PIP5K1B: variants seen among roughly 807,000 people sequenced by gnomAD.
PIP5K1B encodes phosphatidylinositol-4-phosphate 5-kinase type 1 beta, also known as phosphatidylinositol 4-phosphate 5-kinase type-1 beta.
Under a neutral mutation model 67.0 loss-of-function variants are expected in PIP5K1B, and 42 were observed. The observed-to-expected ratio is 0.63, with a 90% CI of 0.49 to 0.81. PIP5K1B has a LOEUF of 0.81. Ranked by LOEUF, PIP5K1B falls within the 30% of genes least tolerant of loss-of-function variation. The pLI is 0.00. For missense variants in PIP5K1B, 459 were observed against 646.3 expected, an observed-to-expected ratio of 0.71 and a Z score of 3.14; for synonymous variants, 214 against 231.4, an observed-to-expected ratio of 0.92 and a Z score of 0.68.
At position 68,705,559 on chromosome 9, in the gene PIP5K1B, C is replaced by G. The variant is rs1434643058; in HGVS notation, c.-446C>G. On this transcript the variant is annotated 5_prime_UTR_variant, in exon 1 of 16. Transcript: ENST00000265382. ...AGCGAGTTTGGCCCCGCGGCTCCAG[C>G]CCCGGCACCTGCCCGCCCTCAGCGT... 1.3e-5 allele frequency: 2 copies of G among 151,484 alleles called. No homozygotes were observed. Among genetic ancestry groups the G allele is most frequent in the African/African-American group, 2.4e-5 (1 of 41,184 alleles). The allele number at this position is 151,484 out of a possible 1,614,324, so 9.4% of individuals were successfully genotyped here.
chr9:68,746,558 A>G (rs756456894), intron 2 of PIP5K1B, among the ~76,000 whole-genome samples: 27 of 152,130 alleles, frequency 1.8e-4, no homozygotes, highest in Non-Finnish European at 3.4e-4. Flanking sequence ...CAAGTGGAGC[A>G]GAGGTGCCAC....
At chr9:68,795,568 C>T (rs745670533) in intron 2 of PIP5K1B, among the ~76,000 whole-genome samples, 3 of 152,078 alleles carry the variant, frequency 2.0e-5, no homozygotes, top group African/African-American at 4.8e-5. Flanking sequence ...TGATAGATAA[C>T]GCTTGGAAAA....
intron 2 of PIP5K1B, among the ~76,000 whole-genome samples, chr9:68,762,146 T>C (rs994821186): frequency 4.6e-5 from 7 of 152,126 alleles, no homozygotes; most frequent in African/African-American, 1.7e-4. Flanking sequence ...TGGTTATGTG[T>C]AGAAGGTTCT....
chr9:68,920,239 C>CA (rs1287870668), intron 11 of PIP5K1B, among the ~76,000 whole-genome samples: 19 of 149,754 alleles, frequency 1.3e-4, no homozygotes, highest in African/African-American at 4.2e-4. Flanking sequence ...GAACATGGGA[C>CA]AAAAAAATGC....
chr9:68,758,253 C>A (rs551366666), intron 2 of PIP5K1B, among the ~76,000 whole-genome samples: 1 of 151,802 alleles, frequency 6.6e-6, no homozygotes. Context: ...GGAAAATTAT[C>A]CATTTTTATG....
chr9:68,961,697 G>C (rs1158161180), intron 14 of PIP5K1B, among the ~76,000 whole-genome samples: 1 of 152,228 alleles, frequency 6.6e-6, no homozygotes, highest in South Asian at 2.1e-4. Context: ...AGCCGAGTTG[G>C]GGAAGAGACC....
At chr9:68,919,335 C>CAA (rs937942222) in intron 9 of PIP5K1B, 144 bp from the exon 10 acceptor site, 20 of 476,210 alleles carry the variant, frequency 4.2e-5, no homozygotes, top group South Asian at 9.5e-5. Flanking sequence ...AAGGAACAAA[C>CAA]AAAAAAAAAA....
chr9:68,930,570 G>A (rs1047458521), intron 12 of PIP5K1B, among the ~76,000 whole-genome samples: 1 of 151,992 alleles, frequency 6.6e-6, no homozygotes, highest in Non-Finnish European at 1.5e-5. Flanking sequence ...TTCAGCCACT[G>A]TGTTTTTTGG....
Position 68,746,462 on chromosome 9 carries a change from TTCTC to T in PIP5K1B, c.-86+3808_-86+3811del, listed in dbSNP as rs1326029943. On this transcript the variant is annotated intron_variant, in intron 2 of 15. Coordinates refer to ENST00000265382, the MANE Select transcript of PIP5K1B (RefSeq NM_003558.4). ...GTTCATCATCATCTCCCCTCACCCTTTCTCTCCTCTCTCTGTCTCACTTTCTCTT... is the reference window on the plus strand; with the variant it reads ...GTTCATCATCATCTCCCCTCACCCTTTCCTCTCTCTGTCTCACTTTCTCTT... Among the ~76,000 whole-genome samples, 8 of 152,260 alleles carry T rather than the reference TTCTC, an allele frequency of 5.3e-5. No homozygotes were observed. The East Asian group carries it at 1.2e-3, about 22-fold the overall frequency.
At chr9:68,741,391 T>C (rs1040314465) in intron 1 of PIP5K1B, among the ~76,000 whole-genome samples, 30 of 152,174 alleles carry the variant, frequency 2.0e-4, no homozygotes, top group African/African-American at 7.2e-4. Flanking sequence ...ACCCTTGGCT[T>C]CTGAATGTGC....
At chr9:69,004,836 A>G (rs1187327837) in intron 15 of PIP5K1B, among the ~76,000 whole-genome samples, 1 of 152,222 alleles carries the variant, frequency 6.6e-6, no homozygotes, top group African/African-American at 2.4e-5. Flanking sequence ...TAAGGAAGGA[A>G]TAATAAAATG....
In PIP5K1B at chr9:68,991,158, T is replaced by G; in HGVS notation, c.1521T>G (p.Ser507Arg). ...TTTCCAGCAAAGGGTTACCTTCCAG[T>G]TCAACATTTACCTTGGAAGAGGGGA... Reference protein sequence around the residue: ...LYSNSKGLPSSSTFTLEEGTI... With the variant: ...LYSNSKGLPSRSTFTLEEGTI... The change falls in exon 15 of 16, where the codon AGT (serine) becomes AGG (arginine). Residue 507 changes from serine to arginine, a missense_variant. Ser to Arg is a moderately radical substitution (Grantham distance 110, BLOSUM62 -1). Transcript: ENST00000265382. 6.2e-7 allele frequency: 1 copy of G among 1,604,118 alleles called. No homozygotes were observed. The highest frequency in any genetic ancestry group is 8.5e-7 in the Non-Finnish European group (1 of 1,170,870).
chr9:68,707,663 G>C (rs1467551941), intron 1 of PIP5K1B: 2 of 152,174 alleles, frequency 1.3e-5, no homozygotes, highest in Non-Finnish European at 2.9e-5. Flanking sequence ...ATCTCATTTA[G>C]TGGCATTTGC....
In PIP5K1B at chr9:68,751,529, T is replaced by G. The variant is rs187375173; in HGVS notation, c.-86+8872T>G. Among the ~76,000 whole-genome samples the G allele has an allele frequency of 1.9e-3, 288 of 152,314 alleles. 2 individuals are homozygous for G. The highest frequency in any genetic ancestry group is 6.2e-3 in the African/African-American group (259 of 41,572). The stretch of plus-strand genomic sequence containing the variant: ...GAATAGAGGCAGGGAGTAATTCAGG[T>G]AATAAAAGTCCAGCTACTAAAAATG... On this transcript the variant is annotated intron_variant, in intron 2 of 15. Coordinates refer to ENST00000265382, the MANE Select transcript of PIP5K1B (RefSeq NM_003558.4).
intron 4 of PIP5K1B, among the ~76,000 whole-genome samples, chr9:68,833,431 C>T (rs1403347262): frequency 5.3e-5 from 8 of 152,196 alleles, no homozygotes; most frequent in African/African-American, 1.9e-4. Context: ...AGGTTCTGAG[C>T]AGGGAAGAGT....
chr9:68,827,680 T>TCCAC (rs1479695948), intron 4 of PIP5K1B, among the ~76,000 whole-genome samples: 1 of 152,138 alleles, frequency 6.6e-6, no homozygotes, highest in Non-Finnish European at 1.5e-5. Flanking sequence ...TAGGAAAAGA[T>TCCAC]GTGGGGAATA....
At chr9:68,915,547 AG>A (rs1294666751) in intron 8 of PIP5K1B, among the ~76,000 whole-genome samples, 1 of 152,202 alleles carries the variant, frequency 6.6e-6, no homozygotes, top group Non-Finnish European at 1.5e-5. Context: ...ACCTCCATGG[AG>A]AACCAGCCAA....
intron 5 of PIP5K1B, among the ~76,000 whole-genome samples, chr9:68,873,257 A>G (rs1005235417): frequency 8.2e-6 from 1 of 122,640 alleles, no homozygotes; most frequent in South Asian, 2.6e-4. Flanking sequence ...ATCGTCAGCT[A>G]TTTTTTTAAG....
intron 14 of PIP5K1B, among the ~76,000 whole-genome samples, chr9:68,951,026 A>T (rs914572872): frequency 6.6e-6 from 1 of 152,220 alleles, no homozygotes; most frequent in Admixed American, 6.5e-5. Context: ...CATGATAGTT[A>T]TGGGTGCAGG....
Sources: allele counts gnomAD v4.1 joint callset (sites outside exome capture counted in the v4.1 genomes callset), GRCh38; gene constraint gnomAD v4.1.1; transcripts MANE v1.5; gene names NCBI Gene and HGNC (gene_info 2026-07-23, HGNC 2026-07-21).